The following GRID2 variants were observed in gnomAD, a reference collection of about 807,000 sequenced individuals.
The protein encoded by GRID2 is glutamate ionotropic receptor delta type subunit 2.
In GRID2, 33 loss-of-function variants were observed where a neutral mutation model predicts 114.8. That is an observed-to-expected ratio of 0.29 (90% CI 0.22 to 0.38). The LOEUF is 0.38. Ranked by LOEUF, GRID2 falls within the 10% of genes least tolerant of loss-of-function variation. The pLI is 1.00. For synonymous variants in GRID2, 505 were observed against 449.9 expected (o/e 1.12, Z -1.55); for missense variants, 1,184 against 1,257.7 (o/e 0.94, Z 0.89).
chr4:92,456,966 T>A (rs1721247405), intron 1 of GRID2, among the ~76,000 whole-genome samples: 1 of 152,154 alleles, frequency 6.6e-6, no homozygotes, highest in Non-Finnish European at 1.5e-5. Context: ...TTACACACAC[T>A]CTCACACACA....
intron 1 of GRID2, among the ~76,000 whole-genome samples, chr4:92,353,392 A>G (rs187598627): frequency 5.5e-4 from 84 of 151,770 alleles, no homozygotes; most frequent in African/African-American, 1.9e-3. Context: ...TCCTGTTTTT[A>G]TACACTATGA....
intron 1 of GRID2, among the ~76,000 whole-genome samples, chr4:92,575,966 T>G (rs765443883): frequency 3.9e-5 from 6 of 152,158 alleles, no homozygotes; most frequent in African/African-American, 1.2e-4. Flanking sequence ...AGAAGCAGTC[T>G]GGATATGTCT....
chr4:92,672,084 C>T (rs189449655), intron 2 of GRID2, among the ~76,000 whole-genome samples: 12 of 152,162 alleles, frequency 7.9e-5, no homozygotes, highest in Non-Finnish European at 1.8e-4. Flanking sequence ...AGATTGAATT[C>T]AGTTTTTTAT....
At chr4:93,589,617 G>A (rs1243235913) in intron 13 of GRID2, among the ~76,000 whole-genome samples, 3 of 151,752 alleles carry the variant, frequency 2.0e-5, no homozygotes, top group South Asian at 2.1e-4. Context: ...AGATCCCTGA[G>A]GAATCGCCAC....
At chr4:93,266,082 G>A (rs893223170) in intron 8 of GRID2, among the ~76,000 whole-genome samples, 3 of 152,062 alleles carry the variant, frequency 2.0e-5, no homozygotes, top group African/African-American at 4.8e-5. Flanking sequence ...TCACTCAGAC[G>A]GGGATCATTC....
At chr4:92,731,913 G>T (rs1487831747) in intron 2 of GRID2, among the ~76,000 whole-genome samples, 1 of 151,844 alleles carries the variant, frequency 6.6e-6, no homozygotes, top group Admixed American at 6.6e-5. Context: ...CATAGGGCAT[G>T]GGTAGTAGTG....
intron 2 of GRID2, among the ~76,000 whole-genome samples, chr4:92,773,645 A>G (rs147645500): frequency 2.6e-5 from 4 of 152,152 alleles, no homozygotes; most frequent in Admixed American, 1.3e-4. Context: ...AGTTAATACC[A>G]TAAATTTAAC....
intron 7 of GRID2, among the ~76,000 whole-genome samples, chr4:93,232,293 G>A (rs192197115): frequency 6.6e-6 from 1 of 152,094 alleles, no homozygotes; most frequent in East Asian, 1.9e-4. Flanking sequence ...CATTTTCTAT[G>A]TATTCTATAT....
intron 1 of GRID2, among the ~76,000 whole-genome samples, chr4:92,485,739 A>G (rs1378280787): frequency 6.6e-6 from 1 of 152,028 alleles, no homozygotes; most frequent in Non-Finnish European, 1.5e-5. Flanking sequence ...TTGCAAAAAT[A>G]TCTGTAATAA....
chr4:93,325,112 CT>C (rs1757685983), intron 8 of GRID2, among the ~76,000 whole-genome samples: 1 of 152,114 alleles, frequency 6.6e-6, no homozygotes, highest in African/African-American at 2.4e-5. Flanking sequence ...TTCTCTAGTT[CT>C]TTTAATTGTG....
chr4:92,381,987 G>A (rs1729641412), intron 1 of GRID2, among the ~76,000 whole-genome samples: 1 of 151,748 alleles, frequency 6.6e-6, no homozygotes, highest in African/African-American at 2.4e-5. Context: ...TTCCCCCTAA[G>A]TGGAAATAGG....
intron 4 of GRID2, among the ~76,000 whole-genome samples, chr4:93,194,647 G>A (rs918590170): frequency 6.6e-6 from 1 of 152,072 alleles, no homozygotes; most frequent in Non-Finnish European, 1.5e-5. Context: ...CAATGTGTCT[G>A]GTACATTCTT....
At chr4:93,047,393 T>C (rs1726252653) in intron 2 of GRID2, among the ~76,000 whole-genome samples, 1 of 152,116 alleles carries the variant, frequency 6.6e-6, no homozygotes, top group Admixed American at 6.6e-5. Context: ...ATATAAGATG[T>C]TAATAATAGC....
In GRID2 at chr4:92,705,590, C is replaced by T. The variant is rs189736511; in HGVS notation, c.244+115304C>T. ...GAAATAAAAAGAAAACCGGACTGGA[C>T]TAGGAAAAGTCAATGCCACTTTTAT... On this transcript the variant is annotated intron_variant, in intron 2 of 15. Transcript: ENST00000282020. Among the ~76,000 whole-genome samples, 6 of 152,250 alleles carry T rather than the reference C, an allele frequency of 3.9e-5. No individual in the cohort carries two copies. The East Asian group carries it at 1.2e-3, about 29-fold the overall frequency.
At chr4:92,687,653 C>A (rs1018694570) in intron 2 of GRID2, among the ~76,000 whole-genome samples, 4 of 151,992 alleles carry the variant, frequency 2.6e-5, no homozygotes, top group African/African-American at 9.7e-5. Flanking sequence ...CACGGTGAAA[C>A]CCCATCTCTA....
At chr4:92,933,679 T>G (rs1279125577) in intron 2 of GRID2, among the ~76,000 whole-genome samples, 2 of 151,654 alleles carry the variant, frequency 1.3e-5, no homozygotes, top group Non-Finnish European at 3.0e-5. Context: ...ACTCGGTCTC[T>G]TTAAAATTCT....
chr4:92,679,968 T>G (rs1733567245), intron 2 of GRID2, among the ~76,000 whole-genome samples: 1 of 150,642 alleles, frequency 6.6e-6, no homozygotes. Context: ...GGATGGAGGG[T>G]TCACTGTATT....
chr4:92,451,695 T>C (rs1463166432), intron 1 of GRID2, among the ~76,000 whole-genome samples: 1 of 152,178 alleles, frequency 6.6e-6, no homozygotes, highest in African/African-American at 2.4e-5. Context: ...TCATCTTTGG[T>C]TTCAGGCTTA....
At chr4:93,521,477 T>C (rs1360869831) in intron 13 of GRID2, among the ~76,000 whole-genome samples, 1 of 152,008 alleles carries the variant, frequency 6.6e-6, no homozygotes, top group Non-Finnish European at 1.5e-5. Context: ...AAAAGAAGAA[T>C]TTCAAGAAGT....
Sources: allele counts gnomAD v4.1 joint callset (sites outside exome capture counted in the v4.1 genomes callset), GRCh38; gene constraint gnomAD v4.1.1; transcripts MANE v1.5; gene names NCBI Gene and HGNC (gene_info 2026-07-23, HGNC 2026-07-21).